The following POTEE variants were observed in gnomAD, a reference collection of about 807,000 sequenced individuals.
The protein encoded by POTEE is ANKRD26-like family C member 1A.
In POTEE, 21 loss-of-function variants were observed where a neutral mutation model predicts 74.2. The observed-to-expected ratio is 0.28, with a 90% CI of 0.20 to 0.41. The LOEUF is 0.41. Among genes scored for constraint, POTEE ranks in the 10% least tolerant of loss-of-function variants. The pLI, the probability that POTEE is intolerant of heterozygous loss-of-function variation, is 1.00. For missense variants in POTEE, 525 were observed against 1,158.6 expected (o/e 0.45, Z 7.94); for synonymous variants, 211 against 432.8 (o/e 0.49, Z 6.36).
intron 2 of POTEE, among the ~76,000 whole-genome samples, chr2:131,212,339 A>G (rs1559163014): frequency 6.6e-6 from 1 of 151,522 alleles, no homozygotes; most frequent in Non-Finnish European, 1.5e-5. Flanking sequence ...ACTCGTGCAA[A>G]AATTCAAAAA....
At chr2:131,237,343 G>C (rs1355509854) in intron 10 of POTEE, among the ~76,000 whole-genome samples, 4 of 151,910 alleles carry the variant, frequency 2.6e-5, no homozygotes, top group Admixed American at 6.6e-5. Context: ...TGATACCAAG[G>C]TTAAAAATAT....
Position 131,231,840 on chromosome 2 carries a change from A to G in POTEE, c.1126+934A>G, listed in dbSNP as rs549450289. 5.3e-5 allele frequency among the ~76,000 whole-genome samples: 8 copies of G among 152,278 alleles called. No homozygotes were observed. The East Asian group carries it at 1.5e-3, about 29-fold the overall frequency. On this transcript the variant is annotated intron_variant, in intron 9 of 17. Coordinates refer to ENST00000683005, the MANE Select transcript of POTEE (RefSeq NM_001083538.3). ...TGCTACCTGGTTGTGGACACCTAAT[A>G]CATTTATAGTCCAAACTGTATGAGG... is the stretch of plus-strand genomic sequence containing the variant.
At chr2:131,215,252 T>A (rs1418613536) in intron 2 of POTEE, among the ~76,000 whole-genome samples, 1 of 152,212 alleles carries the variant, frequency 6.6e-6, no homozygotes, top group Non-Finnish European at 1.5e-5. Flanking sequence ...ATTCCTTTTT[T>A]CTATGTAAAT....
In POTEE at chr2:131,263,441, A is replaced by G. The variant is rs1405976230; in HGVS notation, c.1986A>G (p.Leu662=). ...AAATTGCCATGCTAAGACTGGAGCTAGACACAATGAAACATCAGAGCCAGC... is the reference window on the plus strand; with the variant it reads ...AAATTGCCATGCTAAGACTGGAGCTGGACACAATGAAACATCAGAGCCAGC... ...REEIAMLRLE[L]DTMKHQSQLR... is the part of the protein sequence containing the mutation. Residue 662 remains leucine (L), a synonymous_variant, in exon 18 of 18, where the codon CTA becomes CTG. Transcript: ENST00000683005. The G allele has an allele frequency of 6.2e-7, 1 of 1,611,844 alleles. No individual in the cohort carries two copies.
intron 3 of POTEE, among the ~76,000 whole-genome samples, 84 bp downstream of exon 3, chr2:131,217,767 GCGCACGCCGCAC>G (rs1700478933): frequency 7.9e-5 from 1 of 12,596 alleles, no homozygotes; most frequent in African/African-American, 1.0e-4. Flanking sequence ...CACGCCGCAC[GCGCACGCCGCAC>G]GCGCACGCGC....
intron 9 of POTEE, among the ~76,000 whole-genome samples, chr2:131,232,722 G>T (rs1232769784): frequency 2.0e-5 from 3 of 150,958 alleles, no homozygotes; most frequent in African/African-American, 7.4e-5. Flanking sequence ...GTTGTTCATT[G>T]ATATCCTAGG....
chr2:131,225,687 T>C, intron 6 of POTEE, among the ~76,000 whole-genome samples: 1 of 115,244 alleles, frequency 8.7e-6, no homozygotes, highest in Non-Finnish European at 1.6e-5. Flanking sequence ...CCAACCTCAG[T>C]TTTTTTTTTT....
intron 4 of POTEE, among the ~76,000 whole-genome samples, chr2:131,220,576 G>A (rs1289942650): frequency 2.0e-5 from 3 of 152,016 alleles, no homozygotes; most frequent in Non-Finnish European, 4.4e-5. Context: ...ATCTACCAGT[G>A]ACCTATGCAC....
Position 131,263,447 on chromosome 2 carries a change from A to T in POTEE, c.1992A>T (p.Thr664=), listed in dbSNP as rs1261643814. The change falls in exon 18 of 18, where the codon ACA becomes ACT. Residue 664 remains threonine, a synonymous_variant. Transcript: ENST00000683005. The part of the protein sequence containing the change: ...EIAMLRLELD[T]MKHQSQLREK... The stretch of plus-strand genomic sequence containing the variant: ...CCATGCTAAGACTGGAGCTAGACAC[A>T]ATGAAACATCAGAGCCAGCTAAGAG... 6.2e-7 allele frequency: 1 copy of T among 1,611,892 alleles called. No homozygotes were observed. The highest frequency in any genetic ancestry group is 8.5e-7 in the Non-Finnish European group (1 of 1,179,810).
At chr2:131,260,208 T>C (rs1222126535) in intron 16 of POTEE, among the ~76,000 whole-genome samples, 1 of 150,024 alleles carries the variant, frequency 6.7e-6, no homozygotes, top group East Asian at 1.9e-4. Context: ...ACGCTGTTTC[T>C]GTTACTGTGG....
intron 2 of POTEE, among the ~76,000 whole-genome samples, chr2:131,214,363 T>C (rs1372753125): frequency 6.6e-6 from 1 of 152,222 alleles, no homozygotes; most frequent in Admixed American, 6.5e-5. Context: ...AAATGTTATA[T>C]GAGAGAGGAT....
intron 4 of POTEE, among the ~76,000 whole-genome samples, chr2:131,222,301 CAAAG>C (rs1700644593): frequency 1.3e-5 from 2 of 152,192 alleles, no homozygotes; most frequent in East Asian, 1.9e-4. Flanking sequence ...AGCAAACTAA[CAAAG>C]GAAGAGAAAA....
At chr2:131,229,263 A>G (rs1304844640) in intron 8 of POTEE, among the ~76,000 whole-genome samples, 1 of 152,148 alleles carries the variant, frequency 6.6e-6, no homozygotes, top group Non-Finnish European at 1.5e-5. Flanking sequence ...GGGTTCAAAT[A>G]ATGTGGCAGA....
In POTEE at chr2:131,210,398, G is replaced by C. The variant is rs1331807307; in HGVS notation, c.-345+579G>C. ...CAGGGTGTGTTGGGTGTGCTGTCCGGGGGCTACACTGCCGGCGGCAGGGGT... is the reference window on the plus strand; with the variant it reads ...CAGGGTGTGTTGGGTGTGCTGTCCGCGGGCTACACTGCCGGCGGCAGGGGT... On this transcript the variant is annotated intron_variant, in intron 1 of 17. Transcript: ENST00000683005. Among the ~76,000 whole-genome samples, 4 of 149,730 alleles carry C rather than the reference G, an allele frequency of 2.7e-5. No homozygotes were observed. In the East Asian group the frequency reaches 8.0e-4, roughly 30 times the overall value.
At chr2:131,217,010 TTAAC>T (rs1381314093) in intron 2 of POTEE, among the ~76,000 whole-genome samples, 10 of 152,386 alleles carry the variant, frequency 6.6e-5, no homozygotes, top group East Asian at 5.8e-4. Context: ...TGGTGATTGT[TTAAC>T]TAGTTAATAC....
At chr2:131,210,518 C>T (rs1403228439) in intron 1 of POTEE, among the ~76,000 whole-genome samples, 2 of 151,996 alleles carry the variant, frequency 1.3e-5, no homozygotes, top group South Asian at 2.1e-4. Context: ...CTTGCTCCTT[C>T]GGGTAACTCT....
intron 4 of POTEE, among the ~76,000 whole-genome samples, chr2:131,221,273 A>G (rs1700608708): frequency 6.6e-6 from 1 of 152,146 alleles, no homozygotes; most frequent in African/African-American, 2.4e-5. Context: ...GGATGGACTA[A>G]TATGTAACTA....
chr2:131,225,016 A>G (rs900172947), intron 6 of POTEE, among the ~76,000 whole-genome samples: 43 of 152,278 alleles, frequency 2.8e-4, no homozygotes, highest in Non-Finnish European at 5.3e-4. Flanking sequence ...TGTTTTCAGC[A>G]AATGGGCCTC....
intron 9 of POTEE, among the ~76,000 whole-genome samples, chr2:131,236,030 T>C (rs541156464): frequency 6.6e-6 from 1 of 152,180 alleles, no homozygotes; most frequent in East Asian, 1.9e-4. Context: ...ATCCGAAAGC[T>C]GAGCCCTGAA....
Sources: gnomAD v4.1 joint callset for allele counts (sites outside exome capture counted in the v4.1 genomes callset) on GRCh38, gnomAD v4.1.1 for gene constraint, MANE v1.5 for transcripts, NCBI Gene and HGNC (gene_info 2026-07-23, HGNC 2026-07-21) for gene names.